The following ZNF195 variants were observed in gnomAD, a reference collection of about 807,000 sequenced individuals.
ZNF195 encodes hypoxia-regulated factor-1.
Under a neutral mutation model 19.5 loss-of-function variants are expected in ZNF195, and 11 were observed. The observed-to-expected ratio is 0.57, with a 90% confidence interval of 0.36 to 0.94. The LOEUF (loss-of-function observed/expected upper bound fraction) is 0.94, where lower values mean the gene tolerates loss of function less well. ZNF195 is among the 40% of genes least tolerant of loss of function. The probability of loss-of-function intolerance (pLI) is 0.01; values close to 1 mark genes in which losing one functional copy is unlikely to be tolerated. For synonymous variants in ZNF195, 214 were observed against 248.1 expected, an observed-to-expected ratio of 0.86 and a Z score of 1.29; for missense variants, 582 against 709.0, an observed-to-expected ratio of 0.82 and a Z score of 2.03.
chr11:3,363,046 G>A lies in ZNF195; in HGVS notation c.227-1157C>T, dbSNP rs373851724. Among the ~76,000 whole-genome samples the A allele has an allele frequency of 4.6e-5, 7 of 152,256 alleles. No individual in the cohort carries two copies. The East Asian group carries it at 1.2e-3, about 25-fold the overall frequency. ...ACAAGAACATAAAACAGTAACAGAA[G>A]GGAGAATGAACTGGGAACCTATGAC... is the stretch of plus-strand genomic sequence containing the variant. On this transcript the variant is annotated intron_variant, in intron 3 of 5. Transcript: ENST00000399602.
At chr11:3,371,234 TGTGG>T (rs1156465292) in intron 2 of ZNF195, 164 bp from the exon 3 acceptor site, 10 of 736,642 alleles carry the variant, frequency 1.4e-5, no homozygotes, top group Admixed American at 1.3e-4. Flanking sequence ...ATTTTAAATC[TGTGG>T]GTTCTTAGTT....
intron 3 of ZNF195, chr11:3,366,655 A>G (rs2133694527): frequency 1.4e-5 from 2 of 147,888 alleles, no homozygotes; most frequent in Non-Finnish European, 2.9e-5. Flanking sequence ...CCTCACACCT[A>G]TTAGAATGGC....
chr11:3,360,720 CT>C lies in ZNF195; in HGVS notation c.441del (p.Ala148LeufsTer25). The stretch of plus-strand genomic sequence containing the variant: ...TATAAACATATAAATGTAACAATAC[CT>C]AGTGAGAAGATGCATCTGAACTCTA... ...WFLEFRCIFS[L>X]AMSSHFTQDL... On this transcript the variant is annotated frameshift_variant and splice_region_variant, in exon 5 of 6. Transcript: ENST00000399602. LOFTEE classifies it low-confidence loss of function (END_TRUNC). The C allele has an allele frequency of 6.4e-7, 1 of 1,551,400 alleles. No individual in the cohort carries two copies. The highest frequency in any genetic ancestry group is 8.7e-7 in the Non-Finnish European group (1 of 1,146,932).
In ZNF195 at chr11:3,371,074, T is replaced by A. The variant is rs571847831; in HGVS notation, c.131-4A>T. The A allele has an allele frequency of 6.2e-7, 1 of 1,611,768 alleles. No homozygotes were observed. Among genetic ancestry groups the A allele is most frequent in the East Asian group, 2.2e-5 (1 of 44,826 alleles). On this transcript the variant is annotated splice_polypyrimidine_tract_variant and splice_region_variant and intron_variant, in intron 2 of 5. Coordinates refer to ENST00000399602, the MANE Select transcript of ZNF195 (RefSeq NM_001130520.3). Reference sequence around the variant, plus strand: ...CCTGGCTTACAGACAGTGAGACCTGTTTTATTAGAAAAAAGTGACATTACT... The same window carrying A: ...CCTGGCTTACAGACAGTGAGACCTGATTTATTAGAAAAAAGTGACATTACT...
chr11:3,366,263 C>CAAAAAAAAA (rs35338297), intron 3 of ZNF195, among the ~76,000 whole-genome samples: 1 of 88,988 alleles, frequency 1.1e-5, no homozygotes, highest in African/African-American at 4.3e-5. Flanking sequence ...GACTCCATCT[C>CAAAAAAAAA]AAAAAAAAAA....
intron 3 of ZNF195, among the ~76,000 whole-genome samples, chr11:3,370,435 G>C (rs1239502870): frequency 6.6e-6 from 1 of 152,108 alleles, no homozygotes; most frequent in African/African-American, 2.4e-5. Context: ...TCTCATATTT[G>C]GGCAGATGCC....
intron 3 of ZNF195, 87 bp from the exon 4 acceptor site, chr11:3,361,976 C>G (rs1321835384): frequency 2.3e-6 from 1 of 430,958 alleles, no homozygotes; most frequent in Admixed American, 2.5e-5. Context: ...GGAGAATCAC[C>G]TGAACCTGGG....
chr11:3,379,036 A>G lies in ZNF195; in HGVS notation c.3+2T>C. On this transcript the variant is annotated splice_donor_variant, in intron 1 of 5. Coordinates refer to ENST00000399602, the MANE Select transcript of ZNF195 (RefSeq NM_001130520.3). LOFTEE classifies it high-confidence loss of function. ...CTCAGGAGGCCTGGCCCCTACACTC[A>G]CCATCTCCTGGCCTCCAGAGAGCCT... The G allele has an allele frequency of 1.3e-6, 2 of 1,494,104 alleles. No homozygotes were observed. Among genetic ancestry groups the G allele is most frequent in the East Asian group, 2.6e-5 (1 of 38,234 alleles). 92.6% of individuals were successfully genotyped at this position (1,494,104 alleles called of 1,614,324 possible). A position where few individuals can be genotyped will look rare whatever the true frequency, so the allele number is the denominator to read the frequency against.
rs376478511 is a variant in ZNF195, at chr11:3,361,685, A to T, written c.373+58T>A. 1.1e-4 allele frequency: 136 copies of T among 1,287,404 alleles called. No individual in the cohort carries two copies. The African/African-American group carries it at 2.0e-3, about 19-fold the overall frequency. The allele number at this position is 1,287,404 out of a possible 1,614,324, so 79.7% of individuals were successfully genotyped here. On this transcript the variant is annotated intron_variant, in intron 4 of 5. Coordinates refer to ENST00000399602, the MANE Select transcript of ZNF195 (RefSeq NM_001130520.3). ...TAACCACAGTTTCCAAAGTCAAAGG[A>T]GAAAAGAATCCTGAAAGCAGCAAGT... is the stretch of plus-strand genomic sequence containing the variant.
chr11:3,362,705 T>TA (rs1208504859), intron 3 of ZNF195: 28 of 392,696 alleles, frequency 7.1e-5, no homozygotes, highest in Non-Finnish European at 7.4e-5. Context: ...AAGAATCAAG[T>TA]AAAAAAAATA....
chr11:3,376,620 G>A (rs1418805961), intron 1 of ZNF195, among the ~76,000 whole-genome samples: 1 of 152,180 alleles, frequency 6.6e-6, no homozygotes, highest in Non-Finnish European at 1.5e-5. Context: ...GTTTACAGAA[G>A]AAAAGGAAAC....
rs981065641 is a variant in ZNF195, at chr11:3,360,731, A to G, written c.431T>C (p.Ile144Thr). The G allele has an allele frequency of 2.6e-6, 4 of 1,551,480 alleles. No homozygotes were observed. In the African/African-American group the frequency reaches 4.1e-5, roughly 16 times the overall value. Residue 144 changes from isoleucine to threonine, a missense_variant, in exon 5 of 6, where the codon ATC becomes ACC. Ile to Thr is a moderately conservative substitution (Grantham distance 89). Coordinates refer to ENST00000399602, the MANE Select transcript of ZNF195 (RefSeq NM_001130520.3). ...TVKWFLEFRC[I>T]FSLAMSSHFT... ...AAATGTAACAATACCTAGTGAGAAGATGCATCTGAACTCTAAAAACCATTT... is the reference window on the plus strand; with the variant it reads ...AAATGTAACAATACCTAGTGAGAAGGTGCATCTGAACTCTAAAAACCATTT...
Position 3,361,787 on chromosome 11 carries a change from T to C in ZNF195, c.329A>G (p.His110Arg), listed in dbSNP as rs772367656. 8.4e-6 allele frequency: 10 copies of C among 1,186,644 alleles called. No individual in the cohort carries two copies. The South Asian group carries it at 1.0e-4, about 12-fold the overall frequency. 73.5% of individuals were successfully genotyped at this position (1,186,644 alleles called of 1,614,324 possible). Residue 110 changes from histidine (H) to arginine (R), a missense_variant, in exon 4 of 6, where the codon CAC becomes CGC. His to Arg is a conservative substitution (Grantham distance 29). Transcript: ENST00000399602. ...AACATTGAGGCCTGGCTGGGCACGG[T>C]GGTTCACACCTGTAATCCCAGCACT... Reference protein sequence around the residue: ...SQSAGITGVNHRAQPGLNVSV... With the variant: ...SQSAGITGVNRRAQPGLNVSV...
chr11:3,369,317 G>C (rs7925972), intron 3 of ZNF195: 199,562 of 223,446 alleles, frequency 0.89, 89,486 homozygotes, highest in East Asian at 0.99. Flanking sequence ...AAACCAGGGT[G>C]GGGGGGCGTT....
chr11:3,360,417 C>T lies in ZNF195; in HGVS notation c.591G>A (p.Leu197=). 6.2e-7 allele frequency: 1 copy of T among 1,612,276 alleles called. No homozygotes were observed. The highest frequency in any genetic ancestry group is 8.5e-7 in the Non-Finnish European group (1 of 1,179,688). Residue 197 remains leucine (L), a synonymous_variant, in exon 6 of 6, where the codon TTG becomes TTA. Transcript: ENST00000399602. ...KDWESLDECK[L]QKDYNGLNQC... is the part of the protein sequence containing the mutation. ...GGTTAAGTCCATTATAATCTTTTTG[C>T]AACTTACACTCATCTAAACTTTCCC... is the stretch of plus-strand genomic sequence containing the variant.
At chr11:3,377,151 C>A (rs978456938) in intron 1 of ZNF195, among the ~76,000 whole-genome samples, 1 of 152,134 alleles carries the variant, frequency 6.6e-6, no homozygotes, top group Non-Finnish European at 1.5e-5. Context: ...ATTTTCTTAC[C>A]TTTCAAGCTC....
chr11:3,369,640 A>G, intron 3 of ZNF195: 1 of 307,120 alleles, frequency 3.3e-6, no homozygotes, highest in Non-Finnish European at 6.9e-6. Context: ...CAGGCCCCAA[A>G]GACAGAGACT....
rs1259168260 is a variant in ZNF195 at position 3,379,121 on chromosome 11, G to C, written c.-81C>G. ...GTCACACGACCTACGGCTAGCAGGGGACACAGAGCCGCGGGGACAGGAAGT... is the reference window on the plus strand; with the variant it reads ...GTCACACGACCTACGGCTAGCAGGGCACACAGAGCCGCGGGGACAGGAAGT... On this transcript the variant is annotated 5_prime_UTR_variant, in exon 1 of 6. Coordinates refer to ENST00000399602, the MANE Select transcript of ZNF195 (RefSeq NM_001130520.3). 7.1e-7 allele frequency: 1 copy of C among 1,407,180 alleles called. No individual in the cohort carries two copies. Among genetic ancestry groups the C allele is most frequent in the Non-Finnish European group, 9.3e-7 (1 of 1,069,754 alleles). 87.2% of individuals were successfully genotyped at this position (1,407,180 alleles called of 1,614,324 possible).
At chr11:3,373,348 A>T (rs1179115350) in intron 1 of ZNF195, among the ~76,000 whole-genome samples, 2 of 152,224 alleles carry the variant, frequency 1.3e-5, no homozygotes, top group African/African-American at 4.8e-5. Context: ...CATGGTAAGA[A>T]TTCTTCATGG....
Sources: allele counts gnomAD v4.1 joint callset (sites outside exome capture counted in the v4.1 genomes callset), GRCh38; gene constraint gnomAD v4.1.1; transcripts MANE v1.5; gene names NCBI Gene and HGNC (gene_info 2026-07-23, HGNC 2026-07-21).